The following PFDN1 variants were observed in gnomAD, a reference collection of about 807,000 sequenced individuals.
The protein encoded by PFDN1 is prefoldin subunit 1, also known as prefoldin 1.
In PFDN1, 6 loss-of-function variants were observed where a neutral mutation model predicts 17.3. That is an observed-to-expected ratio of 0.35 (90% CI 0.19 to 0.69). The LOEUF (loss-of-function observed/expected upper bound fraction) is 0.69, where lower values mean the gene tolerates loss of function less well. Among genes scored for constraint, PFDN1 ranks in the 30% least tolerant of loss-of-function variants. The pLI, the probability that PFDN1 is intolerant of heterozygous loss-of-function variation, is 0.65. For missense variants in PFDN1, 113 were observed against 146.2 expected (o/e 0.77, Z 1.17); for synonymous variants, 58 against 50.1 (o/e 1.16, Z -0.67).
intron 3 of PFDN1, among the ~76,000 whole-genome samples, chr5:140,270,680 C>A (rs66786328): frequency 0.19 from 28,832 of 152,064 alleles, 2,963 homozygotes; most frequent in South Asian, 0.24. Flanking sequence ...AATCCCAGCA[C>A]TTTGGGAGGC....
At chr5:140,264,449 A>AG (rs1765108538) in intron 3 of PFDN1, among the ~76,000 whole-genome samples, 1 of 152,240 alleles carries the variant, frequency 6.6e-6, no homozygotes, top group Non-Finnish European at 1.5e-5. Flanking sequence ...TGCATATCAG[A>AG]GCAAAGACAA....
chr5:140,301,592 CA>C (rs1561522817), intron 1 of PFDN1, among the ~76,000 whole-genome samples: 1 of 151,562 alleles, frequency 6.6e-6, no homozygotes, highest in Non-Finnish European at 1.5e-5. Context: ...TGTCTCCACC[CA>C]AAAAAAGGAC....
intron 3 of PFDN1, among the ~76,000 whole-genome samples, chr5:140,249,847 A>G (rs1415271857): frequency 1.3e-5 from 2 of 152,190 alleles, no homozygotes; most frequent in Non-Finnish European, 2.9e-5. Context: ...CAAGCCATAC[A>G]CAAGAAACCC....
intron 2 of PFDN1, chr5:140,293,294 G>A (rs1048964683): frequency 1.4e-5 from 2 of 142,122 alleles, no homozygotes; most frequent in African/African-American, 5.2e-5. Context: ...GGCTGATTTT[G>A]TTTAATCCTT....
In PFDN1 at chr5:140,245,271, T is replaced by G; in HGVS notation, c.*703A>C. ...AGGCCTCAGGATTATGGCGTCCATCTTATGATATTGGCCAAAAGGAGACAG... is the reference window on the plus strand; with the variant it reads ...AGGCCTCAGGATTATGGCGTCCATCGTATGATATTGGCCAAAAGGAGACAG... On this transcript the variant is annotated 3_prime_UTR_variant, in exon 4 of 4. Transcript: ENST00000261813. The G allele has an allele frequency of 1.8e-6, 1 of 557,896 alleles. No individual in the cohort carries two copies. Among genetic ancestry groups the G allele is most frequent in the Admixed American group, 3.1e-5 (1 of 32,764 alleles). 34.6% of individuals were successfully genotyped at this position (557,896 alleles called of 1,614,324 possible).
intron 3 of PFDN1, among the ~76,000 whole-genome samples, chr5:140,269,938 A>C (rs1054835190): frequency 2.0e-5 from 3 of 152,232 alleles, no homozygotes; most frequent in Non-Finnish European, 2.9e-5. Context: ...AATCTAGTAG[A>C]CTTGGAAATT....
chr5:140,292,592 T>C (rs965733130), intron 2 of PFDN1, among the ~76,000 whole-genome samples: 1 of 152,118 alleles, frequency 6.6e-6, no homozygotes. Context: ...AGCTTCCAAG[T>C]AATGTAGTTC....
chr5:140,267,729 C>T (rs1351428785), intron 3 of PFDN1, among the ~76,000 whole-genome samples: 4 of 146,564 alleles, frequency 2.7e-5, no homozygotes, highest in African/African-American at 5.0e-5. Context: ...GCTAAAGGGA[C>T]GGGGGATTAT....
At position 140,254,427 on chromosome 5, in the gene PFDN1, TTGAAG is replaced by T. The variant is rs1764957828; in HGVS notation, c.286-8375_286-8371del. Among the ~76,000 whole-genome samples the T allele has an allele frequency of 6.6e-6, 1 of 152,178 alleles. No homozygotes were observed. Among genetic ancestry groups the T allele is most frequent in the African/African-American group, 2.4e-5 (1 of 41,430 alleles). Reference sequence around the variant, plus strand: ...CTTTATCCTTCATAAACCCTGGTCCTTGAAGTTCATGGCATCATGCTTAGCCACCG... The same window carrying T: ...CTTTATCCTTCATAAACCCTGGTCCTTTCATGGCATCATGCTTAGCCACCG... On this transcript the variant is annotated intron_variant, in intron 3 of 3. Transcript: ENST00000261813. This position sits in a 1 kb window ranked among gnomAD's most constrained non-coding sequence, Gnocchi z 4.4.
intron 3 of PFDN1, among the ~76,000 whole-genome samples, chr5:140,280,682 T>A (rs1053576130): frequency 1.3e-5 from 2 of 152,150 alleles, no homozygotes; most frequent in African/African-American, 2.4e-5. Flanking sequence ...AGAAATTAGA[T>A]GAAATGACCT....
chr5:140,301,872 T>C (rs1253427618), intron 1 of PFDN1, among the ~76,000 whole-genome samples: 1 of 152,208 alleles, frequency 6.6e-6, no homozygotes, highest in East Asian at 1.9e-4. Context: ...ATCTGACTGC[T>C]CTATACAGCT....
Position 140,278,236 on chromosome 5 carries a change from C to T in PFDN1, c.285+3213G>A, listed in dbSNP as rs534695704. On this transcript the variant is annotated intron_variant, in intron 3 of 3. Transcript: ENST00000261813. ...ACAATAAAAAATAAATAAATATAAA[C>T]AGAAGAGCTGAGAAATTCCTAACAT... Among the ~76,000 whole-genome samples the T allele has an allele frequency of 2.1e-4, 32 of 151,250 alleles. No homozygotes were observed. The South Asian group carries it at 5.6e-3, about 27-fold the overall frequency.
chr5:140,258,955 A>G (rs1392261435), intron 3 of PFDN1, among the ~76,000 whole-genome samples: 1 of 152,240 alleles, frequency 6.6e-6, no homozygotes, highest in African/African-American at 2.4e-5. Flanking sequence ...TCCTAGGTAA[A>G]GAACATACAA....
At chr5:140,255,487 A>C (rs2126679701) in intron 3 of PFDN1, among the ~76,000 whole-genome samples, 1 of 152,084 alleles carries the variant, frequency 6.6e-6, no homozygotes, top group East Asian at 1.9e-4. Context: ...AAAAATAAAA[A>C]AATCAGCTGG....
intron 2 of PFDN1, among the ~76,000 whole-genome samples, chr5:140,298,000 T>C (rs1439492976): frequency 2.6e-5 from 4 of 152,296 alleles, no homozygotes; most frequent in Non-Finnish European, 5.9e-5. Context: ...AAGGATAAAA[T>C]TATCCTGTAG....
chr5:140,253,642 G>A (rs1368729825), intron 3 of PFDN1, among the ~76,000 whole-genome samples: 1 of 152,164 alleles, frequency 6.6e-6, no homozygotes, highest in East Asian at 1.9e-4. Context: ...TGCTGATCAA[G>A]CCTCAGCCAA....
chr5:140,299,472 C>T (rs915303888), intron 2 of PFDN1, among the ~76,000 whole-genome samples: 1 of 151,810 alleles, frequency 6.6e-6, no homozygotes, highest in Admixed American at 6.6e-5. Flanking sequence ...TGGTAGCATG[C>T]GCCTGTAGTC....
chr5:140,298,561 C>T (rs1243848063), intron 2 of PFDN1, among the ~76,000 whole-genome samples: 1 of 151,088 alleles, frequency 6.6e-6, no homozygotes, highest in Non-Finnish European at 1.5e-5. Flanking sequence ...TCCTTTTTTT[C>T]TGCTTACAGA....
At chr5:140,270,256 G>A (rs1257002543) in intron 3 of PFDN1, among the ~76,000 whole-genome samples, 1 of 152,174 alleles carries the variant, frequency 6.6e-6, no homozygotes, top group Non-Finnish European at 1.5e-5. Context: ...CCAGGCATGG[G>A]AGGGTGGAGA....
Sources: allele counts gnomAD v4.1 joint callset (sites outside exome capture counted in the v4.1 genomes callset), GRCh38; gene constraint gnomAD v4.1.1; non-coding constraint Gnocchi (gnomAD v3.1); transcripts MANE v1.5; gene names NCBI Gene and HGNC (gene_info 2026-07-23, HGNC 2026-07-21).